The following SORBS2 variants were observed in gnomAD, a reference collection of about 807,000 sequenced individuals.
SORBS2 encodes sorbin and SH3 domain-containing protein 2.
SORBS2 carries 46 observed loss-of-function variants against 97.7 expected under a neutral mutation model. The observed-to-expected ratio is 0.47, with a 90% confidence interval of 0.37 to 0.60. The LOEUF is 0.60. Ranked by LOEUF, SORBS2 falls within the 20% of genes least tolerant of loss-of-function variation. The pLI is 0.00. For missense variants in SORBS2, 1,316 were observed against 1,282.3 expected (o/e 1.03, Z -0.40); for synonymous variants, 476 against 473.4 (o/e 1.01, Z -0.07).
At chr4:185,954,808 A>T (rs972006334) in intron 1 of SORBS2, among the ~76,000 whole-genome samples, 4 of 152,116 alleles carry the variant, frequency 2.6e-5, no homozygotes, top group East Asian at 3.9e-4. Context: ...AAGTACAAAA[A>T]TTAGCAGGAT....
chr4:185,667,957 A>T (rs2097645662), intron 4 of SORBS2, among the ~76,000 whole-genome samples: 1 of 152,092 alleles, frequency 6.6e-6, no homozygotes, highest in Non-Finnish European at 1.5e-5. Flanking sequence ...CAGTCTTTGG[A>T]TAGCGTCAAT....
At chr4:185,714,271 A>G (rs74398008) in intron 2 of SORBS2, among the ~76,000 whole-genome samples, 111 of 152,284 alleles carry the variant, frequency 7.3e-4, no homozygotes, top group African/African-American at 2.5e-3. Context: ...AGTGTAGGAT[A>G]TTTTGCAGCA....
chr4:185,781,526 T>C (rs1006090649), intron 1 of SORBS2, among the ~76,000 whole-genome samples: 13 of 150,842 alleles, frequency 8.6e-5, no homozygotes, highest in Admixed American at 2.6e-4. Flanking sequence ...GCCTCCCGCC[T>C]CTCCAGCCTC....
intron 1 of SORBS2, among the ~76,000 whole-genome samples, chr4:185,820,860 A>G (rs2099196376): frequency 6.6e-6 from 1 of 152,242 alleles, no homozygotes; most frequent in Admixed American, 6.5e-5. Flanking sequence ...TCCAGGGCTC[A>G]GTATCGTACC....
chr4:185,895,077 C>T (rs1382209330), intron 1 of SORBS2, among the ~76,000 whole-genome samples: 1 of 152,212 alleles, frequency 6.6e-6, no homozygotes, highest in Non-Finnish European at 1.5e-5. Flanking sequence ...ATGTGATTTA[C>T]TAGTTGTGTG....
At chr4:185,862,818 G>A (rs1330926107) in intron 1 of SORBS2, among the ~76,000 whole-genome samples, 3 of 152,142 alleles carry the variant, frequency 2.0e-5, no homozygotes, top group South Asian at 2.1e-4. Context: ...TGGTGGTGGG[G>A]CTGTCTTCCC....
At chr4:185,913,960 C>T (rs950567344) in intron 1 of SORBS2, among the ~76,000 whole-genome samples, 1 of 152,136 alleles carries the variant, frequency 6.6e-6, no homozygotes, top group Non-Finnish European at 1.5e-5. Flanking sequence ...CTTCATAAGA[C>T]CATACACCTT....
At chr4:185,738,059 T>G (rs535460747) in intron 2 of SORBS2, among the ~76,000 whole-genome samples, 1 of 152,260 alleles carries the variant, frequency 6.6e-6, no homozygotes, top group South Asian at 2.1e-4. Flanking sequence ...TCACAGAATG[T>G]TTTTGTGCTG....
At chr4:185,894,902 G>A (rs2099244260) in intron 1 of SORBS2, among the ~76,000 whole-genome samples, 1 of 152,186 alleles carries the variant, frequency 6.6e-6, no homozygotes, top group Non-Finnish European at 1.5e-5. Flanking sequence ...CAGACAGGAG[G>A]GGCATGATCA....
intron 1 of SORBS2, among the ~76,000 whole-genome samples, chr4:185,797,090 G>GT (rs2153653890): frequency 6.6e-6 from 1 of 152,344 alleles, no homozygotes; most frequent in East Asian, 1.9e-4. Flanking sequence ...CAAGCCACGG[G>GT]TACCCCCAGA....
At chr4:185,822,421 C>T (rs2099197339) in intron 1 of SORBS2, among the ~76,000 whole-genome samples, 1 of 152,230 alleles carries the variant, frequency 6.6e-6, no homozygotes, top group South Asian at 2.1e-4. Context: ...AGCAGCGCTT[C>T]TGAAGTGAGT....
At chr4:185,953,085 C>T (rs567095424) in intron 1 of SORBS2, among the ~76,000 whole-genome samples, 48 of 152,278 alleles carry the variant, frequency 3.2e-4, no homozygotes, top group Admixed American at 2.7e-3. Flanking sequence ...GAGGCTGAGG[C>T]GGGTGGATCA....
intron 12 of SORBS2, among the ~76,000 whole-genome samples, chr4:185,609,645 C>T (rs2096499775): frequency 6.6e-6 from 1 of 152,142 alleles, no homozygotes; most frequent in African/African-American, 2.4e-5. Flanking sequence ...GCACTAAAAG[C>T]AGAAATATCA....
intron 2 of SORBS2, among the ~76,000 whole-genome samples, chr4:185,650,277 T>C (rs978483074): frequency 2.6e-5 from 4 of 152,088 alleles, no homozygotes; most frequent in Non-Finnish European, 1.5e-5. Context: ...ATAGTAAGAA[T>C]TAAAGGATGC....
rs558997075 is a variant in SORBS2, at chr4:185,888,633, C to T, written c.-338+67563G>A. On this transcript the variant is annotated intron_variant, in intron 1 of 20. Coordinates refer to the SORBS2 transcript ENST00000284776. ...TCTAGAGTTTGTTTTCCTACCTTCT[C>T]CCAACTCTAAATTGCTCACACAATG... Among the ~76,000 whole-genome samples the T allele has an allele frequency of 2.6e-5, 4 of 152,328 alleles. No homozygotes were observed. In the South Asian group the frequency reaches 8.3e-4, roughly 32 times the overall value.
intron 4 of SORBS2, 71 bp from the exon 15 acceptor site, chr4:185,638,233 T>A: frequency 1.1e-6 from 1 of 936,372 alleles, no homozygotes. Context: ...CTGTGTGGCA[T>A]GAAAAACTCA....
Position 185,731,890 on chromosome 4 carries a change from A to C in SORBS2, c.-198+43337T>G, listed in dbSNP as rs562341490. Among the ~76,000 whole-genome samples the C allele has an allele frequency of 9.7e-3, 916 of 94,230 alleles. 3 individuals are homozygous for C. Among genetic ancestry groups the C allele is most frequent in the Non-Finnish European group, 0.014 (634 of 44,846 alleles). 61.8% of individuals were successfully genotyped at this position (94,230 alleles called of 152,430 possible). On this transcript the variant is annotated intron_variant, in intron 2 of 20. Transcript: ENST00000284776. The stretch of plus-strand genomic sequence containing the variant: ...TCTATATATATATATATATATATAT[A>C]TATATATATATATATATATGTCTGT...
At chr4:185,883,382 T>C (rs927148825) in intron 1 of SORBS2, among the ~76,000 whole-genome samples, 5 of 152,186 alleles carry the variant, frequency 3.3e-5, no homozygotes, top group Non-Finnish European at 7.3e-5. Flanking sequence ...ACAGTATCAA[T>C]GCCGGTGGGG....
intron 1 of SORBS2, among the ~76,000 whole-genome samples, chr4:185,799,889 G>A (rs1244212727): frequency 6.6e-6 from 1 of 152,094 alleles, no homozygotes; most frequent in East Asian, 1.9e-4. Context: ...ACTCCCACCC[G>A]ACAATGTGTG....
Sources: allele counts gnomAD v4.1 joint callset (sites outside exome capture counted in the v4.1 genomes callset), GRCh38; gene constraint gnomAD v4.1.1; transcripts MANE v1.5; gene names NCBI Gene and HGNC (gene_info 2026-07-23, HGNC 2026-07-21).